H2BN1: variants seen among roughly 807,000 people sequenced by gnomAD.
The protein encoded by H2BN1 is H2B.N variant histone 1.
chr17:32,903,135 T>C, the H2BN1 span, among the ~76,000 whole-genome samples: 1 of 151,804 alleles, frequency 6.6e-6, no homozygotes, highest in Non-Finnish European at 1.5e-5. Context: ...TTGATTCAAG[T>C]GTTTTATTTT....
the H2BN1 span, among the ~76,000 whole-genome samples, chr17:32,897,983 G>T: frequency 6.6e-6 from 1 of 152,184 alleles, no homozygotes; most frequent in Non-Finnish European, 1.5e-5. Context: ...AAGTCACAAA[G>T]GTTGAAGTGA....
At chr17:32,903,343 A>T in the H2BN1 span, among the ~76,000 whole-genome samples, 1 of 152,144 alleles carries the variant, frequency 6.6e-6, no homozygotes, top group Non-Finnish European at 1.5e-5. Flanking sequence ...GGCACTTGTC[A>T]GTTAAATAGT....
the H2BN1 span, among the ~76,000 whole-genome samples, chr17:32,900,325 A>G: frequency 2.6e-5 from 4 of 152,252 alleles, no homozygotes; most frequent in Admixed American, 2.6e-4. Context: ...CCAATATCTT[A>G]AAGGATTAAA....
At chr17:32,905,231 C>CAAAA in the H2BN1 span, among the ~76,000 whole-genome samples, 1 of 152,110 alleles carries the variant, frequency 6.6e-6, no homozygotes, top group African/African-American at 2.4e-5. Context: ...AAGTAAACTC[C>CAAAA]AAAACAAACA....
the H2BN1 span, among the ~76,000 whole-genome samples, chr17:32,897,644 T>C: frequency 6.6e-6 from 1 of 152,074 alleles, no homozygotes; most frequent in African/African-American, 2.4e-5. Context: ...GGAACACAGA[T>C]AAGGGAGCTG....
chr17:32,904,489 C>T, the H2BN1 span, among the ~76,000 whole-genome samples: 16 of 152,314 alleles, frequency 1.1e-4, no homozygotes, highest in South Asian at 2.9e-3. Flanking sequence ...GTCAAATCCT[C>T]TCACAGTACA....
chr17:32,896,656 A>G, the H2BN1 span, among the ~76,000 whole-genome samples: 2 of 152,148 alleles, frequency 1.3e-5, no homozygotes, highest in Non-Finnish European at 2.9e-5. Flanking sequence ...AAGGTGCATG[A>G]TGTGTAGTGA....
At chr17:32,897,217 G>A in the H2BN1 span, among the ~76,000 whole-genome samples, 1 of 152,068 alleles carries the variant, frequency 6.6e-6, no homozygotes, top group Non-Finnish European at 1.5e-5. Context: ...CCTGCGGTGG[G>A]AGAGTGTTGA....
the H2BN1 span, among the ~76,000 whole-genome samples, chr17:32,902,197 C>T: frequency 4.4e-4 from 67 of 151,690 alleles, no homozygotes; most frequent in African/African-American, 1.2e-3. Flanking sequence ...TTATACATAA[C>T]CTTTAAATAC....
At chr17:32,902,497 A>G in the H2BN1 span, among the ~76,000 whole-genome samples, 2 of 152,240 alleles carry the variant, frequency 1.3e-5, no homozygotes, top group Non-Finnish European at 2.9e-5. Context: ...TAATCTTACT[A>G]AATTCAAGAT....
At chr17:32,896,233 G>A in the H2BN1 span, among the ~76,000 whole-genome samples, 23 of 152,196 alleles carry the variant, frequency 1.5e-4, no homozygotes, top group Middle Eastern at 6.8e-3. Context: ...ATTCTTAAAC[G>A]CCCTCTCCTT....
chr17:32,901,724 G>A, the H2BN1 span, among the ~76,000 whole-genome samples: 1 of 152,230 alleles, frequency 6.6e-6, no homozygotes, highest in East Asian at 1.9e-4. Context: ...TTTAAAAGGA[G>A]AAAGAAAACT....
chr17:32,902,701 G>A, the H2BN1 span, among the ~76,000 whole-genome samples: 1 of 152,038 alleles, frequency 6.6e-6, no homozygotes, highest in African/African-American at 2.4e-5. Flanking sequence ...TTAGCCAGGC[G>A]TGGTGGTGGG....
At chr17:32,901,085 A>G in the H2BN1 span, among the ~76,000 whole-genome samples, 1 of 151,988 alleles carries the variant, frequency 6.6e-6, no homozygotes, top group Non-Finnish European at 1.5e-5. Context: ...GCATGTGCCT[A>G]TAATCTCAGT....
At chr17:32,904,438 C>A in the H2BN1 span, among the ~76,000 whole-genome samples, 1 of 152,180 alleles carries the variant, frequency 6.6e-6, no homozygotes, top group African/African-American at 2.4e-5. Context: ...TGTTCAGCCA[C>A]CCCTACTTTG....
chr17:32,899,547 C>T, the H2BN1 span, among the ~76,000 whole-genome samples: 1 of 152,188 alleles, frequency 6.6e-6, no homozygotes, highest in South Asian at 2.1e-4. Context: ...GCACACCATT[C>T]CAGTCAAAAG....
At chr17:32,897,972 C>T in the H2BN1 span, among the ~76,000 whole-genome samples, 3 of 152,126 alleles carry the variant, frequency 2.0e-5, no homozygotes, top group Non-Finnish European at 4.4e-5. Context: ...TAGGAAAAAC[C>T]AAGTCACAAA....
At chr17:32,899,552 CAA>C in the H2BN1 span, among the ~76,000 whole-genome samples, 1 of 152,120 alleles carries the variant, frequency 6.6e-6, no homozygotes, top group Non-Finnish European at 1.5e-5. Context: ...CCATTCCAGT[CAA>C]AAGTCTTGGT....
chr17:32,905,600 C>T, the H2BN1 span: 8 of 152,084 alleles, frequency 5.3e-5, no homozygotes, highest in African/African-American at 1.7e-4. Flanking sequence ...GACACAGTCT[C>T]AGGAGGCTCT....
Sources: allele counts gnomAD v4.1 joint callset (sites outside exome capture counted in the v4.1 genomes callset), GRCh38; gene constraint gnomAD v4.1.1; transcripts MANE v1.5; gene names NCBI Gene and HGNC (gene_info 2026-07-23, HGNC 2026-07-21).